The following PPEF1 variants were observed in gnomAD, a reference collection of about 807,000 sequenced individuals.
PPEF1 encodes protein phosphatase with EF-hand domain 1, also known as serine/threonine-protein phosphatase with EF-hands 1.
In PPEF1, 12 loss-of-function variants were observed where a neutral mutation model predicts 53.3. That is an observed-to-expected ratio of 0.23 (90% CI 0.14 to 0.36). The LOEUF is 0.36. Ranked by LOEUF, PPEF1 falls within the 10% of genes least tolerant of loss-of-function variation. The probability of loss-of-function intolerance (pLI) is 1.00; values close to 1 mark genes in which losing one functional copy is unlikely to be tolerated. For synonymous variants in PPEF1, 165 were observed against 176.7 expected (o/e 0.93, Z 0.52); for missense variants, 334 against 490.4 (o/e 0.68, Z 3.01).
At chrX:18,752,116 A>G (rs1051650145) in intron 4 of PPEF1, among the ~76,000 whole-genome samples, 1 of 112,114 alleles carries the variant, frequency 8.9e-6, no homozygotes, top group Non-Finnish European at 1.9e-5. Context: ...CATCCTCACA[A>G]TACAAGTCTT....
intron 4 of PPEF1, among the ~76,000 whole-genome samples, chrX:18,692,955 G>A (rs59866087): frequency 0.022 from 2,414 of 111,560 alleles, 74 homozygotes; most frequent in African/African-American, 0.075. Context: ...TCTCTTATTG[G>A]TACATAAAAC....
At chrX:18,757,782 C>A in intron 5 of PPEF1, 41 bp downstream of exon 5, 3 of 997,219 alleles carry the variant, frequency 3.0e-6, no homozygotes, top group Non-Finnish European at 4.3e-6. Flanking sequence ...TATTTAGGAG[C>A]CTCTTGGTCC....
chrX:18,729,357 C>T (rs2044783166), intron 1 of PPEF1, among the ~76,000 whole-genome samples: 1 of 112,045 alleles, frequency 8.9e-6, no homozygotes, highest in African/African-American at 3.2e-5. Flanking sequence ...TCTTCATGTA[C>T]CCCACGCTCA....
intron 12 of PPEF1, among the ~76,000 whole-genome samples, chrX:18,807,138 T>C (rs188759769): frequency 0.029 from 3,266 of 111,170 alleles, 36 homozygotes; most frequent in South Asian, 0.052. Flanking sequence ...CAAGCTGTTC[T>C]CCTGCCTCAG....
chrX:18,685,512 C>T (rs1223970227), intron 2 of PPEF1, among the ~76,000 whole-genome samples: 1 of 109,810 alleles, frequency 9.1e-6, no homozygotes, highest in Non-Finnish European at 1.9e-5. Context: ...GGTGAAACCC[C>T]ATCTCTACTA....
intron 5 of PPEF1, among the ~76,000 whole-genome samples, chrX:18,759,181 T>C (rs2045609509): frequency 9.0e-6 from 1 of 111,276 alleles, no homozygotes; most frequent in South Asian, 3.8e-4. Context: ...TTCTAGACTT[T>C]TTCACGTGGC....
chrX:18,792,386 G>C (rs1303143757), intron 10 of PPEF1, among the ~76,000 whole-genome samples: 1 of 111,672 alleles, frequency 9.0e-6, no homozygotes, highest in Non-Finnish European at 1.9e-5. Flanking sequence ...GTTTCTTCCT[G>C]AGTAGTTTGT....
At chrX:18,686,267 C>T (rs1049136692) in intron 3 of PPEF1, 2 of 111,053 alleles carry the variant, frequency 1.8e-5, no homozygotes, top group African/African-American at 6.6e-5. Context: ...ATGGAGGGCT[C>T]CGGCTCCATT....
In PPEF1 at chrX:18,749,896, T is replaced by C; in HGVS notation, c.340T>C (p.Phe114Leu). 1 of 1,205,077 alleles carries C rather than the reference T, an allele frequency of 8.3e-7. No individual in the cohort carries two copies. Among genetic ancestry groups the C allele is most frequent in the Non-Finnish European group, 1.1e-6 (1 of 890,285 alleles). Reference protein sequence around the residue: ...PDSYNGPRLQFPLTCTDIDLL... With the variant: ...PDSYNGPRLQLPLTCTDIDLL... Reference sequence around the variant, plus strand: ...CTCCTATAATGGTCCTCGGCTACAATTTCCTCTCACTTGTACGGATATTGA... The same window carrying C: ...CTCCTATAATGGTCCTCGGCTACAACTTCCTCTCACTTGTACGGATATTGA... Residue 114 changes from phenylalanine (F) to leucine (L), a missense_variant, in exon 4 of 16, where the codon TTT becomes CTT. Phe to Leu is a conservative substitution (Grantham distance 22). Transcript: ENST00000470157.
chrX:18,697,307 G>C (rs1929782431), intron 4 of PPEF1, among the ~76,000 whole-genome samples: 1 of 111,881 alleles, frequency 8.9e-6, no homozygotes, highest in Non-Finnish European at 1.9e-5. Context: ...CTGAAGAGGT[G>C]GAGAGGGCAG....
intron 1 of PPEF1, among the ~76,000 whole-genome samples, chrX:18,714,274 TTTG>T (rs1464929850): frequency 0.055 from 3,282 of 59,965 alleles, 288 homozygotes; most frequent in African/African-American, 0.13. Flanking sequence ...TTTTCGTTTT[TTTG>T]TTTTTTTTTT....
intron 10 of PPEF1, among the ~76,000 whole-genome samples, chrX:18,800,618 T>C (rs1230075870): frequency 8.9e-6 from 1 of 112,159 alleles, no homozygotes; most frequent in Non-Finnish European, 1.9e-5. Flanking sequence ...TATGATGAGT[T>C]TATCTGGACT....
chrX:18,741,358 C>A (rs889674565), intron 3 of PPEF1, among the ~76,000 whole-genome samples: 5 of 111,844 alleles, frequency 4.5e-5, no homozygotes, highest in African/African-American at 1.6e-4. Flanking sequence ...TGGGTTCCAG[C>A]CCGGAGATGT....
In PPEF1 at chrX:18,803,820, CAAAT is replaced by C; in HGVS notation, c.1066-69_1066-66del. On this transcript the variant is annotated intron_variant, in intron 10 of 15. Transcript: ENST00000470157. ...GGATACCTTGGGTTAATATTTCTGA[CAAAT>C]AAGTTGGAATCTAGAAAGATATACT... 4 of 973,201 alleles carry C rather than the reference CAAAT, an allele frequency of 4.1e-6. No individual in the cohort carries two copies. The South Asian group carries it at 7.1e-5, about 17-fold the overall frequency. The allele number at this position is 973,201 out of a possible 1,213,427, so 80.2% of individuals were successfully genotyped here.
chrX:18,738,985 T>G (rs1394476410), intron 3 of PPEF1, among the ~76,000 whole-genome samples: 1 of 112,268 alleles, frequency 8.9e-6, no homozygotes, highest in Non-Finnish European at 1.9e-5. Context: ...ATCAGGTCAT[T>G]TAAGGTCTTC....
At chrX:18,786,313 G>A (rs1401193185) in intron 9 of PPEF1, among the ~76,000 whole-genome samples, 1 of 112,083 alleles carries the variant, frequency 8.9e-6, no homozygotes, top group Admixed American at 9.5e-5. Context: ...AGTAAAGACT[G>A]TGAGGCTCTA....
chrX:18,704,067 A>G (rs759084130), upstream of PPEF1, among the ~76,000 whole-genome samples: 1 of 108,429 alleles, frequency 9.2e-6, no homozygotes, highest in Non-Finnish European at 1.9e-5. Context: ...GGGACTACAG[A>G]TGTGCACCAC....
Position 18,782,292 on chromosome X carries a change from G to A in PPEF1, c.726-74G>A, listed in dbSNP as rs187926053. The stretch of plus-strand genomic sequence containing the variant: ...TGTGATAGATACTGAGATGCCAAGG[G>A]CTTCCCTTTTTGCATGACTCATGGA... On this transcript the variant is annotated intron_variant, in intron 7 of 15. Transcript: ENST00000470157. 1.2e-4 allele frequency: 105 copies of A among 854,776 alleles called. 1 individual carries two copies. Among genetic ancestry groups the A allele is most frequent in the South Asian group, 6.0e-4 (27 of 44,725 alleles). The allele number at this position is 854,776 out of a possible 1,213,427, so 70.4% of individuals were successfully genotyped here.
chrX:18,732,694 T>A (rs1330189403), intron 2 of PPEF1, among the ~76,000 whole-genome samples: 2 of 111,420 alleles, frequency 1.8e-5, no homozygotes, highest in Non-Finnish European at 3.8e-5. Flanking sequence ...TACTCCCAGA[T>A]TGATAAAGTG....
Sources: gnomAD v4.1 joint callset for allele counts (sites outside exome capture counted in the v4.1 genomes callset) on GRCh38, gnomAD v4.1.1 for gene constraint, MANE v1.5 for transcripts, NCBI Gene and HGNC (gene_info 2026-07-23, HGNC 2026-07-21) for gene names.